The following PHLDB2 variants were observed in gnomAD, a reference collection of about 807,000 sequenced individuals.
The protein encoded by PHLDB2 is pleckstrin homology like domain family B member 2.
PHLDB2 carries 71 observed loss-of-function variants against 123.6 expected under a neutral mutation model. That is an observed-to-expected ratio of 0.57 (90% CI 0.47 to 0.70). The LOEUF is 0.70. PHLDB2 is among the 30% of genes least tolerant of loss of function. PHLDB2 has a pLI of 0.00. For missense variants in PHLDB2, 1,446 were observed against 1,519.5 expected (o/e 0.95, Z 0.80); for synonymous variants, 547 against 541.6 (o/e 1.01, Z -0.14).
chr3:111,848,730 GA>G (rs1490452828), intron 2 of PHLDB2, among the ~76,000 whole-genome samples: 8 of 152,202 alleles, frequency 5.3e-5, no homozygotes, highest in African/African-American at 1.9e-4. Flanking sequence ...AATGGAGTGG[GA>G]AAATGTCTTA....
chr3:111,741,126 C>T (rs2059596877), intron 1 of PHLDB2, among the ~76,000 whole-genome samples: 1 of 152,192 alleles, frequency 6.6e-6, no homozygotes, highest in South Asian at 2.1e-4. Context: ...TTCTCTAGCA[C>T]TGCCAGCTTT....
chr3:111,944,160 G>C (rs1339071977), intron 8 of PHLDB2, among the ~76,000 whole-genome samples: 2 of 152,164 alleles, frequency 1.3e-5, no homozygotes, highest in Non-Finnish European at 1.5e-5. Context: ...CATTTTATAA[G>C]TAGGCAAACA....
chr3:111,771,290 T>C (rs936217173), intron 1 of PHLDB2, among the ~76,000 whole-genome samples: 2 of 152,124 alleles, frequency 1.3e-5, no homozygotes, highest in Non-Finnish European at 2.9e-5. Context: ...CTTCTGGTGG[T>C]TTTCTGTTAC....
chr3:111,901,067 A>G (rs1380180369), intron 2 of PHLDB2, among the ~76,000 whole-genome samples: 1 of 152,146 alleles, frequency 6.6e-6, no homozygotes, highest in South Asian at 2.1e-4. Context: ...TGCTTTTAAA[A>G]TTTTAACACA....
At position 111,884,976 on chromosome 3, in the gene PHLDB2, A is replaced by G. The variant is rs777463629; in HGVS notation, c.899A>G (p.Asn300Ser). 21 of 1,613,948 alleles carry G rather than the reference A, an allele frequency of 1.3e-5. No individual in the cohort carries two copies. The highest frequency in any genetic ancestry group is 5.0e-5 in the Admixed American group (3 of 59,988). The change falls in exon 2 of 18, where the codon AAT (asparagine) becomes AGT (serine). Residue 300 changes from asparagine (N) to serine (S), a missense_variant. Transcript: ENST00000431670. The part of the protein sequence containing the change: ...DLPHSVIDND[N>S]YLNFSSLSSG... ...CCTCATAGCGTAATAGACAATGACA[A>G]TTACCTTAATTTTTCTTCTTTGAGC...
At chr3:111,924,648 T>C (rs1481055596) in intron 5 of PHLDB2, among the ~76,000 whole-genome samples, 1 of 152,234 alleles carries the variant, frequency 6.6e-6, no homozygotes, top group Non-Finnish European at 1.5e-5. Flanking sequence ...CCTGTTGCTG[T>C]GGTCAGATAT....
rs562141600 is a variant in PHLDB2, at chr3:111,943,413, G to C, written c.2398-1855G>C. On this transcript the variant is annotated intron_variant, in intron 8 of 17. Transcript: ENST00000431670. ...GAGACCTCAATATAAAAATTAAAAT[G>C]ATAAAGCTTCCAGAACAAAATATAA... Among the ~76,000 whole-genome samples, 375 of 151,698 alleles carry C rather than the reference G, an allele frequency of 2.5e-3. 2 individuals carry two copies. Among genetic ancestry groups the C allele is most frequent in the African/African-American group, 8.9e-3 (369 of 41,492 alleles).
intron 6 of PHLDB2, among the ~76,000 whole-genome samples, chr3:111,936,620 T>TA (rs1335706986): frequency 1.1e-4 from 16 of 152,320 alleles, no homozygotes; most frequent in Non-Finnish European, 1.6e-4. Context: ...CATGCAGTGG[T>TA]TTAAGTATTT....
intron 1 of PHLDB2, among the ~76,000 whole-genome samples, chr3:111,882,150 AT>A (rs1317286383): frequency 6.6e-6 from 1 of 152,086 alleles, no homozygotes; most frequent in Non-Finnish European, 1.5e-5. Flanking sequence ...AGCTTATTTA[AT>A]TTTTTCCCTA....
intron 1 of PHLDB2, among the ~76,000 whole-genome samples, chr3:111,757,074 C>T (rs996091774): frequency 3.3e-5 from 5 of 152,098 alleles, no homozygotes; most frequent in Non-Finnish European, 5.9e-5. Context: ...CTCTGGCTGC[C>T]CTTAACATTT....
intron 1 of PHLDB2, among the ~76,000 whole-genome samples, chr3:111,808,693 G>T (rs1237939876): frequency 6.6e-6 from 1 of 151,994 alleles, no homozygotes; most frequent in African/African-American, 2.4e-5. Flanking sequence ...CAATCTGCAT[G>T]GACTGGTGCT....
chr3:111,920,147 G>T, intron 4 of PHLDB2, 135 bp from the exon 5 acceptor site: 1 of 916,368 alleles, frequency 1.1e-6, no homozygotes. Flanking sequence ...TCTCTGGAGT[G>T]TTCTCAGGCA....
intron 1 of PHLDB2, among the ~76,000 whole-genome samples, chr3:111,760,598 C>T (rs1231275630): frequency 1.3e-5 from 2 of 152,036 alleles, no homozygotes; most frequent in African/African-American, 2.4e-5. Context: ...GACTGCGGGA[C>T]TCATCTTACT....
chr3:111,826,839 G>A (rs2062676255), intron 1 of PHLDB2, among the ~76,000 whole-genome samples: 1 of 152,116 alleles, frequency 6.6e-6, no homozygotes, highest in Admixed American at 6.5e-5. Context: ...TCTTCTGGGA[G>A]CAGCCTGCCT....
At chr3:111,777,635 C>T (rs2060289658) in intron 1 of PHLDB2, among the ~76,000 whole-genome samples, 1 of 152,032 alleles carries the variant, frequency 6.6e-6, no homozygotes, top group Admixed American at 6.6e-5. Flanking sequence ...CTGTTATGTG[C>T]CACATTTTTT....
intron 2 of PHLDB2, chr3:111,885,739 T>C: frequency 3.3e-6 from 2 of 607,788 alleles, no homozygotes; most frequent in South Asian, 2.1e-5. Context: ...TCTTTAAGAC[T>C]ATGAGGAAAT....
chr3:111,913,178 T>C (rs1406568902), intron 2 of PHLDB2, 141 bp from the exon 3 acceptor site: 2 of 1,001,796 alleles, frequency 2.0e-6, no homozygotes, highest in Non-Finnish European at 2.9e-6. Flanking sequence ...TCAAAGATTA[T>C]GAAAATCATC....
At chr3:111,898,582 C>T (rs995800005) in intron 2 of PHLDB2, among the ~76,000 whole-genome samples, 20 of 152,180 alleles carry the variant, frequency 1.3e-4, no homozygotes, top group African/African-American at 3.9e-4. Context: ...TGTTTGGTTG[C>T]GCTTTACCCA....
chr3:111,911,533 C>A, intron 2 of PHLDB2: 1 of 1,225,228 alleles, frequency 8.2e-7, no homozygotes, highest in African/African-American at 1.5e-5. Context: ...TGCTTCCTCC[C>A]TATAAAGCTG....
Sources: gnomAD v4.1 joint callset for allele counts (sites outside exome capture counted in the v4.1 genomes callset) on GRCh38, gnomAD v4.1.1 for gene constraint, MANE v1.5 for transcripts, NCBI Gene and HGNC (gene_info 2026-07-23, HGNC 2026-07-21) for gene names.